COMMD8: variants seen among roughly 807,000 people sequenced by gnomAD.
COMMD8 encodes COMM domain containing 8, also known as COMM domain-containing protein 8.
Under a neutral mutation model 27.2 loss-of-function variants are expected in COMMD8, and 28 were observed. The ratio of observed to expected loss-of-function variants is 1.03; its 90% confidence interval spans 0.76 to 1.41. The LOEUF is 1.41. Ranked by LOEUF, COMMD8 falls within the 40% of genes most tolerant of loss-of-function variation. COMMD8 has a pLI of 0.00. For missense variants in COMMD8, 217 were observed against 211.2 expected (o/e 1.03, Z -0.17); for synonymous variants, 79 against 75.5 (o/e 1.05, Z -0.24).
intron 4 of COMMD8, among the ~76,000 whole-genome samples, chr4:47,452,856 C>A (rs1729786747): frequency 6.6e-6 from 1 of 152,062 alleles, no homozygotes; most frequent in Non-Finnish European, 1.5e-5. Flanking sequence ...ATTAGCCAGG[C>A]CTGGTGGCAG....
chr4:47,452,980 GA>G, intron 4 of COMMD8, 78 bp downstream of exon 4: 1 of 1,281,026 alleles, frequency 7.8e-7, no homozygotes, highest in Non-Finnish European at 1.1e-6. Flanking sequence ...CTGGGTGACA[GA>G]GTGAGACTCC....
chr4:47,460,931 T>C (rs1402304007), intron 1 of COMMD8, among the ~76,000 whole-genome samples: 3 of 152,210 alleles, frequency 2.0e-5, no homozygotes, highest in Non-Finnish European at 2.9e-5. Context: ...TAACTGAGCA[T>C]AGTGATTAAG....
intron 4 of COMMD8, among the ~76,000 whole-genome samples, chr4:47,452,534 T>C (rs1729778344): frequency 6.8e-6 from 1 of 147,176 alleles, no homozygotes; most frequent in African/African-American, 2.6e-5. Flanking sequence ...TTTCAAAAAT[T>C]ACTTAGTACA....
In COMMD8 at chr4:47,453,091, T is replaced by C. The variant is rs1361268914; in HGVS notation, c.499A>G (p.Asn167Asp). ...SIEMSREELQ[N>D]LIQSLEAANK... is the part of the protein sequence containing the mutation. ...GCTGCTTCCAAGGACTGTATTAGAT[T>C]CTGCAGCTCCTCTCTACTCATTTCA... The change falls in exon 4 of 5, where the codon AAT becomes GAT. Residue 167 changes from asparagine to aspartate, a missense_variant. Asn to Asp is a conservative substitution (Grantham distance 23). Coordinates refer to ENST00000381571, the MANE Select transcript of COMMD8 (RefSeq NM_017845.5). 1 of 1,613,602 alleles carries C rather than the reference T, an allele frequency of 6.2e-7. No individual in the cohort carries two copies. Among genetic ancestry groups the C allele is most frequent in the South Asian group, 1.1e-5 (1 of 91,024 alleles).
chr4:47,455,198 T>C (rs560527120), intron 3 of COMMD8, among the ~76,000 whole-genome samples: 1 of 152,164 alleles, frequency 6.6e-6, no homozygotes, highest in East Asian at 1.9e-4. Context: ...ATTTTTTCAG[T>C]AGAGTTGCAG....
chr4:47,453,846 C>A (rs1442299929), intron 3 of COMMD8, among the ~76,000 whole-genome samples: 4 of 152,186 alleles, frequency 2.6e-5, no homozygotes, highest in Non-Finnish European at 4.4e-5. Context: ...TAGGGAAACT[C>A]AATTTTTCTA....
In COMMD8 at chr4:47,463,582, T is replaced by C; in HGVS notation, c.66+4A>G. The C allele has an allele frequency of 6.5e-7, 1 of 1,544,078 alleles. No individual in the cohort carries two copies. Among genetic ancestry groups the C allele is most frequent in the Admixed American group, 2.0e-5 (1 of 50,868 alleles). On this transcript the variant is annotated splice_donor_region_variant and intron_variant, in intron 1 of 4. Coordinates refer to ENST00000381571, the MANE Select transcript of COMMD8 (RefSeq NM_017845.5). ...GCGCCGCTTCCCCCGGTACCCGCCC[T>C]CACCTGCGGGCCCAGCTCGGCCGGC...
At chr4:47,462,048 G>T (rs1421110509) in intron 1 of COMMD8, among the ~76,000 whole-genome samples, 1 of 152,092 alleles carries the variant, frequency 6.6e-6, no homozygotes, top group African/African-American at 2.4e-5. Flanking sequence ...TGCCTAGGGG[G>T]TGACAGGAGA....
intron 1 of COMMD8, among the ~76,000 whole-genome samples, chr4:47,462,984 C>T (rs1730100087): frequency 6.6e-6 from 1 of 152,184 alleles, no homozygotes; most frequent in South Asian, 2.1e-4. Flanking sequence ...TTTACCTCAT[C>T]CCATCGGGGC....
At chr4:47,452,094 T>C (rs1001041262) in intron 4 of COMMD8, among the ~76,000 whole-genome samples, 6 of 152,232 alleles carry the variant, frequency 3.9e-5, no homozygotes, top group African/African-American at 1.2e-4. Context: ...ATGAGATCAC[T>C]AGAGAAAATG....
At chr4:47,455,943 T>C (rs1267110362) in intron 3 of COMMD8, among the ~76,000 whole-genome samples, 1 of 152,144 alleles carries the variant, frequency 6.6e-6, no homozygotes, top group Non-Finnish European at 1.5e-5. Context: ...GTCTAGAAAG[T>C]TGTGGTCAAA....
At position 47,451,678 on chromosome 4, in the gene COMMD8, A is replaced by C; in HGVS notation, c.532-13T>G. ...ACTGCAGGACCACCTTAAAACACAA[A>C]TTGAAGAGAAAATATCAGGTTATAC... On this transcript the variant is annotated splice_polypyrimidine_tract_variant and intron_variant, in intron 4 of 4. Coordinates refer to ENST00000381571, the MANE Select transcript of COMMD8 (RefSeq NM_017845.5). 1 of 1,563,900 alleles carries C rather than the reference A, an allele frequency of 6.4e-7. No homozygotes were observed. Among genetic ancestry groups the C allele is most frequent in the Non-Finnish European group, 8.6e-7 (1 of 1,158,400 alleles).
chr4:47,453,141 TTTTC>T lies in COMMD8; in HGVS notation c.445_448del (p.Glu149MetfsTer4). On this transcript the variant is annotated frameshift_variant, in exon 4 of 5. Transcript: ENST00000381571. LOFTEE classifies it high-confidence loss of function. The stretch of plus-strand genomic sequence containing the variant: ...AATAGAATAAGGTTTTACTTCACCA[TTTTC>T]TTTTACATCTAGATGCAGGCTTAAA... 6.2e-7 allele frequency: 1 copy of T among 1,613,712 alleles called. No individual in the cohort carries two copies. The highest frequency in any genetic ancestry group is 8.5e-7 in the Non-Finnish European group (1 of 1,179,602).
chr4:47,463,557 G>A lies in COMMD8; in HGVS notation c.66+29C>T, dbSNP rs926152902. The A allele has an allele frequency of 3.3e-6, 5 of 1,537,138 alleles. No homozygotes were observed. In the Admixed American group the frequency reaches 9.8e-5, roughly 30 times the overall value. ...CGGGCTGTCGCGAATCCCAGGCCCC[G>A]CGCCGCTTCCCCCGGTACCCGCCCT... On this transcript the variant is annotated intron_variant, in intron 1 of 4. Coordinates refer to ENST00000381571, the MANE Select transcript of COMMD8 (RefSeq NM_017845.5).
At position 47,463,578 on chromosome 4, in the gene COMMD8, G is replaced by A; in HGVS notation, c.66+8C>T. 6.5e-7 allele frequency: 1 copy of A among 1,543,014 alleles called. No individual in the cohort carries two copies. The highest frequency in any genetic ancestry group is 8.7e-7 in the Non-Finnish European group (1 of 1,145,704). On this transcript the variant is annotated splice_region_variant and intron_variant, in intron 1 of 4. Transcript: ENST00000381571. ...CCCCGCGCCGCTTCCCCCGGTACCC[G>A]CCCTCACCTGCGGGCCCAGCTCGGC...
intron 3 of COMMD8, among the ~76,000 whole-genome samples, chr4:47,454,018 T>C (rs981681637): frequency 2.6e-5 from 4 of 152,204 alleles, no homozygotes; most frequent in African/African-American, 9.7e-5. Flanking sequence ...ACATAGCTCC[T>C]CTATTCTCTC....
chr4:47,456,565 A>C lies in COMMD8; in HGVS notation c.375+12T>G, dbSNP rs1226827969. The C allele has an allele frequency of 6.3e-7, 1 of 1,589,068 alleles. No homozygotes were observed. Among genetic ancestry groups the C allele is most frequent in the Non-Finnish European group, 8.5e-7 (1 of 1,169,812 alleles). On this transcript the variant is annotated intron_variant, in intron 3 of 4. Coordinates refer to ENST00000381571, the MANE Select transcript of COMMD8 (RefSeq NM_017845.5). ...AATGAAATAAAAAATACACATACTC[A>C]TAGACTCTTACCTTTACCTGCCAAT...
intron 4 of COMMD8, among the ~76,000 whole-genome samples, chr4:47,452,554 A>AAACT (rs1444687046): frequency 7.7e-6 from 1 of 130,406 alleles, no homozygotes; most frequent in Non-Finnish European, 1.6e-5. Context: ...ATTATGTTCA[A>AAACT]AACTAATTGA....
At chr4:47,457,518 C>T (rs1729926136) in intron 2 of COMMD8, among the ~76,000 whole-genome samples, 1 of 152,242 alleles carries the variant, frequency 6.6e-6, no homozygotes, top group Non-Finnish European at 1.5e-5. Flanking sequence ...AATACTACAC[C>T]TGACAACTGT....
Sources: gnomAD v4.1 joint callset for allele counts (sites outside exome capture counted in the v4.1 genomes callset) on GRCh38, gnomAD v4.1.1 for gene constraint, MANE v1.5 for transcripts, NCBI Gene and HGNC (gene_info 2026-07-23, HGNC 2026-07-21) for gene names.